The following SEMA6D variants were observed in gnomAD, a reference collection of about 807,000 sequenced individuals.
SEMA6D encodes the protein semaphorin-6D.
SEMA6D carries 35 observed loss-of-function variants against 106.6 expected under a neutral mutation model. The ratio of observed to expected loss-of-function variants is 0.33; its 90% CI spans 0.25 to 0.44. SEMA6D has a LOEUF of 0.44. SEMA6D is among the 20% of genes least tolerant of loss of function. The pLI is 1.00. For synonymous variants in SEMA6D, 499 were observed against 487.7 expected (o/e 1.02, Z -0.31); for missense variants, 1,185 against 1,345.9 (o/e 0.88, Z 1.87).
intron 3 of SEMA6D, among the ~76,000 whole-genome samples, chr15:47,546,980 C>T (rs2045543249): frequency 6.6e-6 from 1 of 152,044 alleles, no homozygotes; most frequent in African/African-American, 2.4e-5. Flanking sequence ...TAGTCTGTTT[C>T]CAGCTTGGCC....
chr15:47,215,606 C>T (rs1016067754), intron 1 of SEMA6D, among the ~76,000 whole-genome samples: 2 of 152,076 alleles, frequency 1.3e-5, no homozygotes, highest in Non-Finnish European at 2.9e-5. Context: ...ATATGAGACA[C>T]ATATTCATAC....
At chr15:47,280,364 G>A (rs1437374715) in intron 1 of SEMA6D, among the ~76,000 whole-genome samples, 3 of 151,026 alleles carry the variant, frequency 2.0e-5, no homozygotes, top group African/African-American at 7.3e-5. Flanking sequence ...CTGTGGGATC[G>A]GTGGTGATAT....
At chr15:47,703,475 C>T (rs1214603586) in intron 4 of SEMA6D, among the ~76,000 whole-genome samples, 1 of 151,948 alleles carries the variant, frequency 6.6e-6, no homozygotes, top group East Asian at 1.9e-4. Context: ...TATTTTTGTG[C>T]AATATGCAAA....
At chr15:47,745,337 G>C in intron 1 of SEMA6D, among the ~76,000 whole-genome samples, 1 of 152,178 alleles carries the variant, frequency 6.6e-6, no homozygotes, top group East Asian at 1.9e-4. Flanking sequence ...CCAACATACA[G>C]GGTAATGGAG....
chr15:47,230,800 G>A (rs2032134898), intron 1 of SEMA6D, among the ~76,000 whole-genome samples: 1 of 151,980 alleles, frequency 6.6e-6, no homozygotes, highest in Non-Finnish European at 1.5e-5. Flanking sequence ...AACAAGCACT[G>A]CAGGTGGTTC....
intron 3 of SEMA6D, among the ~76,000 whole-genome samples, 200 bp from the exon 4 acceptor site, chr15:47,760,778 C>T (rs946190377): frequency 2.0e-5 from 3 of 152,140 alleles, no homozygotes; most frequent in African/African-American, 7.2e-5. Context: ...GAGAGAAGAG[C>T]TTTCTTTGCT....
intron 2 of SEMA6D, among the ~76,000 whole-genome samples, chr15:47,426,263 A>G (rs965017205): frequency 1.9e-4 from 29 of 152,064 alleles, no homozygotes; most frequent in African/African-American, 6.5e-4. Flanking sequence ...CCTTAGCTTC[A>G]TGTGGCTGGT....
At chr15:47,499,681 A>G (rs1475061907) in intron 3 of SEMA6D, among the ~76,000 whole-genome samples, 1 of 152,110 alleles carries the variant, frequency 6.6e-6, no homozygotes, top group Non-Finnish European at 1.5e-5. Flanking sequence ...AACTTTACCT[A>G]TTGCTTATAG....
chr15:47,448,072 G>A (rs998150094), intron 2 of SEMA6D, among the ~76,000 whole-genome samples: 20 of 152,074 alleles, frequency 1.3e-4, no homozygotes, highest in Non-Finnish European at 2.6e-4. Flanking sequence ...TACTTTGGAA[G>A]GTCACAGAGG....
chr15:47,408,234 G>C (rs960689684), intron 1 of SEMA6D, among the ~76,000 whole-genome samples: 1 of 152,268 alleles, frequency 6.6e-6, no homozygotes, highest in Admixed American at 6.5e-5. Flanking sequence ...ACTTGTAGCT[G>C]TTTGACCTGG....
At chr15:47,730,557 G>T in intron 1 of SEMA6D, 2 of 1,381,142 alleles carry the variant, frequency 1.4e-6, no homozygotes, top group Non-Finnish European at 2.1e-6. Context: ...CTCTTCGTGG[G>T]GACATCCCCT....
rs578087029 is a variant in SEMA6D, at chr15:47,679,676, T to A, written c.-55+78780T>A. On this transcript the variant is annotated intron_variant, in intron 4 of 19. Transcript: ENST00000558014. The stretch of plus-strand genomic sequence containing the variant: ...ACAGTGTGTATTTTATTTTTTAACT[T>A]GATAAAAATTGAAATAAATTTCTCC... 5.3e-5 allele frequency among the ~76,000 whole-genome samples: 8 copies of A among 152,318 alleles called. No homozygotes were observed. In the South Asian group the frequency reaches 1.0e-3, roughly 20 times the overall value.
At chr15:47,461,579 T>A (rs575042937) in intron 2 of SEMA6D, among the ~76,000 whole-genome samples, 1 of 151,992 alleles carries the variant, frequency 6.6e-6, no homozygotes, top group Non-Finnish European at 1.5e-5. Flanking sequence ...AAAAATAATA[T>A]TAATAATAAT....
intron 3 of SEMA6D, among the ~76,000 whole-genome samples, chr15:47,546,041 C>T (rs555569646): frequency 1.3e-5 from 2 of 152,244 alleles, no homozygotes; most frequent in South Asian, 2.1e-4. Context: ...GACACACACT[C>T]GCTAGAGTGC....
At chr15:47,185,838 C>T (rs1893528513) in intron 1 of SEMA6D, 1 of 152,092 alleles carries the variant, frequency 6.6e-6, no homozygotes. Context: ...TTCATGGTGC[C>T]TATTCCTTAG....
intron 1 of SEMA6D, among the ~76,000 whole-genome samples, chr15:47,285,077 T>C (rs955879078): frequency 6.6e-6 from 1 of 152,206 alleles, no homozygotes. Context: ...ACTGCAGCCA[T>C]GTGTATTAAA....
chr15:47,189,518 A>G (rs1893813944), intron 1 of SEMA6D, among the ~76,000 whole-genome samples: 1 of 152,152 alleles, frequency 6.6e-6, no homozygotes, highest in Non-Finnish European at 1.5e-5. Flanking sequence ...AACCCCAAAA[A>G]CCACAAAACT....
chr15:47,697,888 T>G (rs904646601), intron 4 of SEMA6D, among the ~76,000 whole-genome samples: 17 of 152,340 alleles, frequency 1.1e-4, no homozygotes, highest in African/African-American at 3.8e-4. Flanking sequence ...TGGAAAATAC[T>G]GAGAGCCATG....
At chr15:47,761,073 C>A in intron 4 of SEMA6D, 35 bp downstream of exon 4, 3 of 1,610,790 alleles carry the variant, frequency 1.9e-6, no homozygotes, top group Non-Finnish European at 2.5e-6. Flanking sequence ...TATTTACCTT[C>A]CCTCTGAACC....
Sources: allele counts gnomAD v4.1 joint callset (sites outside exome capture counted in the v4.1 genomes callset), GRCh38; gene constraint gnomAD v4.1.1; transcripts MANE v1.5; gene names NCBI Gene and HGNC (gene_info 2026-07-23, HGNC 2026-07-21).